The following IGF2R variants were observed in gnomAD, a reference collection of about 807,000 sequenced individuals.
The protein encoded by IGF2R is insulin like growth factor 2 receptor, also known as cation-independent mannose-6-phosphate receptor.
In IGF2R, 91 loss-of-function variants were observed where a neutral mutation model predicts 270.6. The observed-to-expected ratio is 0.34, with a 90% CI of 0.28 to 0.40. IGF2R has a LOEUF of 0.40. Among genes scored for constraint, IGF2R ranks in the 10% least tolerant of loss-of-function variants. IGF2R has a pLI of 1.00. For missense variants in IGF2R, 2,805 were observed against 3,188.3 expected, an observed-to-expected ratio of 0.88 and a Z score of 2.90; for synonymous variants, 1,316 against 1,258.9, an observed-to-expected ratio of 1.05 and a Z score of -0.96.
intron 5 of IGF2R, among the ~76,000 whole-genome samples, chr6:160,025,290 T>G (rs1777535474): frequency 6.6e-6 from 1 of 152,222 alleles, no homozygotes; most frequent in South Asian, 2.1e-4. Flanking sequence ...CTAAGCCAAG[T>G]TTCTAAAACC....
chr6:160,075,893 A>G lies in IGF2R; in HGVS notation c.5213A>G (p.Asn1738Ser). Reference sequence around the variant, plus strand: ...CCACCAATACTCAATCCAATAGCAAATGAGATTTACTTGAATTTTGAAAGC... The same window carrying G: ...CCACCAATACTCAATCCAATAGCAAGTGAGATTTACTTGAATTTTGAAAGC... Reference protein sequence around the residue: ...AGPPILNPIANEIYLNFESST... With the variant: ...AGPPILNPIASEIYLNFESST... The change falls in exon 36 of 48, where the codon AAT (asparagine) becomes AGT (serine). Residue 1738 changes from asparagine (N) to serine (S), a missense_variant. This residue lies in a region of IGF2R where 1,851 missense variants were observed against 2,207.2 expected (regional missense o/e 0.84). Transcript: ENST00000356956. 1.2e-6 allele frequency: 2 copies of G among 1,614,162 alleles called. No homozygotes were observed. The highest frequency in any genetic ancestry group is 1.7e-6 in the Non-Finnish European group (2 of 1,179,986).
Position 160,082,871 on chromosome 6 carries a change from G to C in IGF2R, c.5834-1079G>C, listed in dbSNP as rs113341388. On this transcript the variant is annotated intron_variant, in intron 39 of 47. Coordinates refer to ENST00000356956, the MANE Select transcript of IGF2R (RefSeq NM_000876.4). ...GGAAGGCGTGCAGGAACGTGCCCTG[G>C]TGCAGGCCTTGGTCTGACATTCTCC... 2.7e-3 allele frequency among the ~76,000 whole-genome samples: 413 copies of C among 152,320 alleles called. 3 individuals are homozygous for C. The highest frequency in any genetic ancestry group is 9.7e-3 in the African/African-American group (403 of 41,560).
chr6:160,063,321 G>A (rs1163217343), intron 26 of IGF2R, 94 bp from the exon 27 acceptor site: 2 of 960,600 alleles, frequency 2.1e-6, no homozygotes, highest in African/African-American at 3.2e-5. Context: ...ACAGGCGTGA[G>A]CCACTGCGCC....
chr6:160,044,456 GT>G, intron 12 of IGF2R, 57 bp from the exon 13 acceptor site: 2 of 418,106 alleles, frequency 4.8e-6, no homozygotes, highest in Admixed American at 6.4e-5. Flanking sequence ...TCACTTCTTT[GT>G]CTGCGTGATG....
chr6:160,105,042 G>A lies in IGF2R; in HGVS notation c.7434G>A (p.Val2478=). ...QQKTVSSTKL[V]SFHDDSDEDL... ...AGACAGTGAGCTCCACCAAGCTGGT[G>A]TCCTTCCATGACGACAGCGACGAGG... is the stretch of plus-strand genomic sequence containing the variant. Residue 2478 remains valine (V), a synonymous_variant, in exon 48 of 48, where the codon GTG becomes GTA. Coordinates refer to ENST00000356956, the MANE Select transcript of IGF2R (RefSeq NM_000876.4). The A allele has an allele frequency of 6.2e-7, 1 of 1,610,364 alleles. No homozygotes were observed. The highest frequency in any genetic ancestry group is 8.5e-7 in the Non-Finnish European group (1 of 1,178,114).
chr6:160,089,478 C>T (rs961307518), intron 43 of IGF2R, among the ~76,000 whole-genome samples: 3 of 152,232 alleles, frequency 2.0e-5, no homozygotes, highest in Non-Finnish European at 4.4e-5. Flanking sequence ...AATAAATCCC[C>T]CGTCCTTCTC....
chr6:160,043,313 C>G (rs764283517), intron 12 of IGF2R, 25 bp downstream of exon 12: 5 of 1,601,370 alleles, frequency 3.1e-6, no homozygotes, highest in East Asian at 4.5e-5. Context: ...GATGGAAGAT[C>G]TAGGTGATGC....
chr6:160,046,427 T>C, intron 14 of IGF2R, 71 bp from the exon 15 acceptor site: 1 of 1,452,286 alleles, frequency 6.9e-7, no homozygotes, highest in Non-Finnish European at 9.3e-7. Context: ...CCTTTCAAAC[T>C]GTGGGGTGAG....
At chr6:160,080,299 C>T in intron 39 of IGF2R, 24 bp downstream of exon 39, 1 of 1,608,198 alleles carries the variant, frequency 6.2e-7, no homozygotes, top group Non-Finnish European at 8.5e-7. Context: ...CTCCGCGTCC[C>T]CACATGGCCT....
chr6:160,061,653 T>C lies in IGF2R; in HGVS notation c.3406+7T>C, dbSNP rs1466659041. 1.2e-6 allele frequency: 2 copies of C among 1,613,984 alleles called. No individual in the cohort carries two copies. The highest frequency in any genetic ancestry group is 2.7e-5 in the African/African-American group (2 of 74,916). On this transcript the variant is annotated splice_region_variant and intron_variant, in intron 24 of 47. Transcript: ENST00000356956. ...TACATTCCTGGATGCCAGGGTGAGT[T>C]CTCCTTGGTCTCTTGATTGGCGTCT...
chr6:160,001,081 C>T (rs559023870), intron 2 of IGF2R, among the ~76,000 whole-genome samples: 2 of 151,976 alleles, frequency 1.3e-5, no homozygotes, highest in Non-Finnish European at 2.9e-5. Flanking sequence ...CCTCAACCCC[C>T]GGGCCACAGA....
At chr6:160,006,359 C>G (rs1377330337) in intron 2 of IGF2R, 1 of 152,890 alleles carries the variant, frequency 6.5e-6, no homozygotes, top group Admixed American at 6.5e-5. Flanking sequence ...AGCCCACCCC[C>G]GCCCCTGCTC....
At chr6:160,065,716 T>C (rs1778555964) in intron 29 of IGF2R, among the ~76,000 whole-genome samples, 1 of 151,366 alleles carries the variant, frequency 6.6e-6, no homozygotes, top group Non-Finnish European at 1.5e-5. Context: ...TTTTCTGATA[T>C]TTATATACAA....
chr6:160,104,126 G>A (rs1042783961), intron 47 of IGF2R, among the ~76,000 whole-genome samples: 7 of 151,976 alleles, frequency 4.6e-5, no homozygotes, highest in Non-Finnish European at 8.8e-5. Flanking sequence ...AGATAGTTGT[G>A]CATGTAGCAT....
At position 160,044,546 on chromosome 6, in the gene IGF2R, A is replaced by G. The variant is rs745800031; in HGVS notation, c.1654A>G (p.Ile552Val). ...TGGAAGTAAAAATCTGGGAAAATTT[A>G]TTTCCTCTCCCATGAAAGAGAAAGG... is the stretch of plus-strand genomic sequence containing the variant. Reference protein sequence around the residue: ...KNGSKNLGKFISSPMKEKGNI... With the variant: ...KNGSKNLGKFVSSPMKEKGNI... The change falls in exon 13 of 48, where the codon ATT becomes GTT. Residue 552 changes from isoleucine (I) to valine (V), a missense_variant. Ile to Val is a conservative substitution (Grantham distance 29). Coordinates refer to ENST00000356956, the MANE Select transcript of IGF2R (RefSeq NM_000876.4). 1.2e-5 allele frequency: 20 copies of G among 1,606,776 alleles called. No homozygotes were observed. The highest frequency in any genetic ancestry group is 1.7e-5 in the Admixed American group (1 of 59,518).
chr6:160,030,434 C>T (rs1292242123), intron 7 of IGF2R, among the ~76,000 whole-genome samples: 3 of 152,190 alleles, frequency 2.0e-5, no homozygotes, highest in Admixed American at 1.3e-4. Context: ...GGCAGCTGGC[C>T]TGGTGTGTGT....
rs1049537547 is a variant in IGF2R, at chr6:160,102,167, G to A, written c.6843-352G>A. ...ACCCTGGAGAGAAGTGTGGTGCTTC[G>A]GGACAGCCTCTGCCCCAGCCTAGTC... On this transcript the variant is annotated intron_variant, in intron 45 of 47. Coordinates refer to ENST00000356956, the MANE Select transcript of IGF2R (RefSeq NM_000876.4). The surrounding 1 kb of genome is among the most constrained non-coding windows in gnomAD (Gnocchi z 4.5). Among the ~76,000 whole-genome samples the A allele has an allele frequency of 3.3e-5, 5 of 152,204 alleles. No homozygotes were observed. Among genetic ancestry groups the A allele is most frequent in the Admixed American group, 1.3e-4 (2 of 15,290 alleles).
intron 39 of IGF2R, among the ~76,000 whole-genome samples, chr6:160,083,161 G>C (rs1779022962): frequency 6.6e-6 from 1 of 152,126 alleles, no homozygotes; most frequent in African/African-American, 2.4e-5. Context: ...TAAGGAGAAG[G>C]TCAACAAAAA....
intron 37 of IGF2R, among the ~76,000 whole-genome samples, chr6:160,079,157 C>T (rs559140048): frequency 5.3e-5 from 8 of 152,300 alleles, no homozygotes; most frequent in South Asian, 2.1e-4. Context: ...GCCTTCTGGG[C>T]GCTGGGTGGG....
Sources: gnomAD v4.1 joint callset for allele counts (sites outside exome capture counted in the v4.1 genomes callset) on GRCh38, gnomAD v4.1.1 for gene constraint, gnomAD v4.1.1 regional missense constraint, Gnocchi (gnomAD v3.1) non-coding constraint, MANE v1.5 for transcripts, NCBI Gene and HGNC (gene_info 2026-07-23, HGNC 2026-07-21) for gene names.